The following SLC15A2 variants were observed in gnomAD, a reference collection of about 807,000 sequenced individuals.
The protein encoded by SLC15A2 is solute carrier family 15 member 2, also known as kidney H(+)/peptide cotransporter.
In SLC15A2, 77 loss-of-function variants were observed where a neutral mutation model predicts 95.5. That is an observed-to-expected ratio of 0.81 (90% confidence interval 0.67 to 0.97). The LOEUF is 0.97. Among genes scored for constraint, SLC15A2 ranks in the 50% least tolerant of loss-of-function variants. SLC15A2 has a pLI of 0.00. For synonymous variants in SLC15A2, 306 were observed against 306.9 expected, an observed-to-expected ratio of 1.00 and a Z score of 0.03; for missense variants, 893 against 874.4, an observed-to-expected ratio of 1.02 and a Z score of -0.27.
chr3:121,923,968 T>A (rs576194602), intron 11 of SLC15A2, among the ~76,000 whole-genome samples: 3 of 152,194 alleles, frequency 2.0e-5, no homozygotes, highest in Non-Finnish European at 2.9e-5. Context: ...GAGAACAACT[T>A]TGGAAACACT....
chr3:121,934,510 A>G (rs906448318), intron 19 of SLC15A2, among the ~76,000 whole-genome samples: 1 of 151,256 alleles, frequency 6.6e-6, no homozygotes, highest in Admixed American at 6.6e-5. Context: ...TAGGTATTTT[A>G]TTCTCTTTGA....
rs1437326734 is a variant in SLC15A2 at position 121,931,517 on chromosome 3, A to G, written c.1665-122A>G. Reference sequence around the variant, plus strand: ...CTCCAAGAAACATTTCTCTTCAAAGATAATTAGTGGCTTCACTGCTTTCCT... The same window carrying G: ...CTCCAAGAAACATTTCTCTTCAAAGGTAATTAGTGGCTTCACTGCTTTCCT... On this transcript the variant is annotated intron_variant, in intron 18 of 21. Coordinates refer to ENST00000489711, the MANE Select transcript of SLC15A2 (RefSeq NM_021082.4). The G allele has an allele frequency of 8.6e-6, 5 of 583,702 alleles. No homozygotes were observed. The South Asian group carries it at 1.2e-4, about 15-fold the overall frequency. 36.2% of individuals were successfully genotyped at this position (583,702 alleles called of 1,614,324 possible).
Position 121,901,973 on chromosome 3 carries a change from A to T in SLC15A2, c.335+4444A>T, listed in dbSNP as rs185244975. 6.6e-5 allele frequency among the ~76,000 whole-genome samples: 10 copies of T among 152,326 alleles called. No homozygotes were observed. In the East Asian group the frequency reaches 1.9e-3, roughly 29 times the overall value. On this transcript the variant is annotated intron_variant, in intron 3 of 21. Transcript: ENST00000489711. ...GGGCAATTTCCTGAAGTTAGTAAAC[A>T]ACTTCTATTAAAAATCTTTCCTCTG...
Position 121,940,926 on chromosome 3 carries a change from T to C in SLC15A2, c.2109T>C (p.Asp703=). Residue 703 remains aspartate, a synonymous_variant, in exon 22 of 22, where the codon GAT becomes GAC. Transcript: ENST00000489711. ...ACTATGTTCCTGTAAAGACAGAGGA[T>C]ATGCGGGGTCCAGCAGATAAGCACA... ...GYYYVPVKTE[D]MRGPADKHIP... 6.2e-7 allele frequency: 1 copy of C among 1,614,168 alleles called. No individual in the cohort carries two copies. Among genetic ancestry groups the C allele is most frequent in the Non-Finnish European group, 8.5e-7 (1 of 1,180,000 alleles).
chr3:121,908,481 C>T (rs1351184682), intron 3 of SLC15A2, among the ~76,000 whole-genome samples: 1 of 152,232 alleles, frequency 6.6e-6, no homozygotes, highest in Non-Finnish European at 1.5e-5. Context: ...CTGGGAGCTA[C>T]AGACCGGAGT....
chr3:121,931,543 C>T, intron 18 of SLC15A2, 96 bp from the exon 19 acceptor site: 2 of 693,742 alleles, frequency 2.9e-6, no homozygotes, highest in East Asian at 2.6e-5. Context: ...CTGCTTTCCT[C>T]ACCATCAGTA....
chr3:121,905,656 T>G (rs537798622), intron 3 of SLC15A2, among the ~76,000 whole-genome samples: 2 of 152,234 alleles, frequency 1.3e-5, no homozygotes, highest in Admixed American at 1.3e-4. Flanking sequence ...TAGTTGTGCA[T>G]TTTGAGTGAG....
intron 3 of SLC15A2, among the ~76,000 whole-genome samples, chr3:121,904,854 C>A (rs1406681095): frequency 6.6e-6 from 1 of 152,206 alleles, no homozygotes; most frequent in Non-Finnish European, 1.5e-5. Flanking sequence ...CAGGATGATG[C>A]TGGCCTCATC....
At chr3:121,903,889 A>T (rs1412982165) in intron 3 of SLC15A2, among the ~76,000 whole-genome samples, 1 of 152,208 alleles carries the variant, frequency 6.6e-6, no homozygotes, top group Admixed American at 6.5e-5. Flanking sequence ...CTCTGAAGAA[A>T]GTCATTGGTA....
chr3:121,928,445 C>T lies in SLC15A2; in HGVS notation c.1231C>T (p.Pro411Ser), dbSNP rs866713051. The T allele has an allele frequency of 8.1e-6, 13 of 1,613,770 alleles. No individual in the cohort carries two copies. The African/African-American group carries it at 1.2e-4, about 15-fold the overall frequency. The change falls in exon 15 of 22, where the codon CCC (proline) becomes TCC (serine). Residue 411 changes from proline to serine, a missense_variant. By Grantham distance (74) the Pro-to-Ser change is moderately conservative. Coordinates refer to ENST00000489711, the MANE Select transcript of SLC15A2 (RefSeq NM_021082.4). The stretch of plus-strand genomic sequence containing the variant: ...GGAAATGGCCCCAGCCCAGCCAGGT[C>T]CCCAGGAGGTTTTCCTACAAGTCTT... ...INEMAPAQPG[P>S]QEVFLQVLNL...
intron 7 of SLC15A2, among the ~76,000 whole-genome samples, chr3:121,919,363 A>G (rs1380731476): frequency 6.6e-6 from 1 of 152,092 alleles, no homozygotes; most frequent in Non-Finnish European, 1.5e-5. Flanking sequence ...GACACCAGAG[A>G]GTGAGTAAAG....
chr3:121,906,324 T>A (rs533206603), intron 3 of SLC15A2, among the ~76,000 whole-genome samples: 6 of 152,370 alleles, frequency 3.9e-5, no homozygotes, highest in African/African-American at 1.4e-4. Flanking sequence ...TTTGCCACTC[T>A]ATGTCTTTTA....
intron 7 of SLC15A2, among the ~76,000 whole-genome samples, chr3:121,919,031 A>G (rs1264450093): frequency 6.6e-6 from 1 of 152,160 alleles, no homozygotes; most frequent in Admixed American, 6.5e-5. Context: ...GCATCTAGAC[A>G]AGGGGAACAC....
rs1438839971 is a variant in SLC15A2, at chr3:121,941,569, G to A, written c.*562G>A. ...TTTAGTAAATTTGTCAATATAGATGGTAGGAAGCAGAATGCCATTTTATTA... is the reference window on the plus strand; with the variant it reads ...TTTAGTAAATTTGTCAATATAGATGATAGGAAGCAGAATGCCATTTTATTA... On this transcript the variant is annotated 3_prime_UTR_variant, in exon 22 of 22. Coordinates refer to ENST00000489711, the MANE Select transcript of SLC15A2 (RefSeq NM_021082.4). 6.6e-6 allele frequency: 1 copy of A among 152,186 alleles called. No individual in the cohort carries two copies. The highest frequency in any genetic ancestry group is 1.5e-5 in the Non-Finnish European group (1 of 68,034). The allele number at this position is 152,186 out of a possible 1,614,324, so 9.4% of individuals were successfully genotyped here.
At chr3:121,905,520 AT>A (rs1237210819) in intron 3 of SLC15A2, among the ~76,000 whole-genome samples, 2 of 152,146 alleles carry the variant, frequency 1.3e-5, no homozygotes, top group African/African-American at 4.8e-5. Flanking sequence ...ACTGCTTTAA[AT>A]GTGTCCCAGA....
intron 1 of SLC15A2, among the ~76,000 whole-genome samples, chr3:121,895,925 G>T (rs1709405863): frequency 6.6e-6 from 1 of 152,218 alleles, no homozygotes; most frequent in South Asian, 2.1e-4. Context: ...TGAAGTAGAA[G>T]CTATCATATT....
At position 121,915,625 on chromosome 3, in the gene SLC15A2, AAT is replaced by A. The variant is rs1559846054; in HGVS notation, c.630_631del (p.Cys211PhefsTer33). ...ATCCCATTTTCTTTAGGAGATGTGCAATGTTTTGGAGAAGACTGCTATGCATT... is the reference window on the plus strand; with the variant it reads ...ATCCCATTTTCTTTAGGAGATGTGCAGTTTTGGAGAAGACTGCTATGCATT... On this transcript the variant is annotated frameshift_variant, in exon 7 of 22. Coordinates refer to ENST00000489711, the MANE Select transcript of SLC15A2 (RefSeq NM_021082.4). LOFTEE classifies it high-confidence loss of function. 2 of 1,613,340 alleles carry A rather than the reference AAT, an allele frequency of 1.2e-6. No homozygotes were observed. The highest frequency in any genetic ancestry group is 2.2e-5 in the South Asian group (2 of 91,062).
At chr3:121,897,611 T>G in intron 3 of SLC15A2, 82 bp downstream of exon 3, 2 of 1,374,570 alleles carry the variant, frequency 1.5e-6, no homozygotes, top group Non-Finnish European at 2.0e-6. Context: ...TGCTTCTGAG[T>G]AAGAACATAC....
chr3:121,909,937 T>C (rs1368304657), intron 3 of SLC15A2, among the ~76,000 whole-genome samples: 5 of 152,052 alleles, frequency 3.3e-5, no homozygotes, highest in African/African-American at 1.2e-4. Context: ...AGTCCATCAA[T>C]TGGATACCGA....
Sources: allele counts gnomAD v4.1 joint callset (sites outside exome capture counted in the v4.1 genomes callset), GRCh38; gene constraint gnomAD v4.1.1; transcripts MANE v1.5; gene names NCBI Gene and HGNC (gene_info 2026-07-23, HGNC 2026-07-21).